WDR45: variants seen among roughly 807,000 people sequenced by gnomAD.
The protein encoded by WDR45 is WD repeat domain phosphoinositide-interacting protein 4.
Under a neutral mutation model 27.3 loss-of-function variants are expected in WDR45, and 2 were observed. The observed-to-expected ratio is 0.07, with a 90% CI of 0.03 to 0.23. The LOEUF (loss-of-function observed/expected upper bound fraction) is 0.23. WDR45 is among the 10% of genes least tolerant of loss of function. The probability of loss-of-function intolerance (pLI) is 1.00; values close to 1 mark genes in which losing one functional copy is unlikely to be tolerated. For synonymous variants in WDR45, 99 were observed against 119.2 expected (o/e 0.83, Z 1.11); for missense variants, 175 against 311.9 (o/e 0.56, Z 3.31).
chrX:49,091,755 C>CAAAAA (rs1162476660), intron 2 of WDR45, among the ~76,000 whole-genome samples: 23 of 35,203 alleles, frequency 6.5e-4, no homozygotes, highest in African/African-American at 3.6e-3. Flanking sequence ...GACTCCGTCT[C>CAAAAA]AAAAAAAAAA....
At chrX:49,086,340 A>G (rs2065085886) in intron 2 of WDR45, among the ~76,000 whole-genome samples, 1 of 110,658 alleles carries the variant, frequency 9.0e-6, no homozygotes, top group Non-Finnish European at 1.9e-5. Context: ...TTTAGTAGAG[A>G]CGGGGTTTCA....
chrX:49,075,060 C>T, intron 10 of WDR45, 76 bp downstream of exon 10: 3 of 1,186,914 alleles, frequency 2.5e-6, no homozygotes, highest in Non-Finnish European at 3.4e-6. Flanking sequence ...TCACATGGCC[C>T]TAAAATCCTT....
chrX:49,084,724 T>C (rs782770766), upstream of WDR45, among the ~76,000 whole-genome samples: 254 of 108,715 alleles, frequency 2.3e-3, 1 homozygote, highest in African/African-American at 8.3e-3. Context: ...AACCTCTGCC[T>C]CCCAGGTTCA....
rs782395953 is a variant in WDR45 at position 49,076,654 on chromosome X, C to T, written c.332G>A (p.Arg111His). The change falls in exon 5 of 11, where the codon CGC becomes CAC. Residue 111 changes from arginine to histidine, a missense_variant. Arg to His is a conservative substitution (Grantham distance 29). Transcript: ENST00000376372. Reference sequence around the variant, plus strand: ...TCCTCCTCAGGCTCACTTGTCATGGCGCATGCGCACAGAAAGCACTGGCTT... The same window carrying T: ...TCCTCCTCAGGCTCACTTGTCATGGTGCATGCGCACAGAAAGCACTGGCTT... Reference protein sequence around the residue: ...FTKPVLSVRMRHDKIVIVLKN... With the variant: ...FTKPVLSVRMHHDKIVIVLKN... 16 of 1,208,534 alleles carry T rather than the reference C, an allele frequency of 1.3e-5. No homozygotes were observed. The highest frequency in any genetic ancestry group is 4.6e-4 in the Middle Eastern group (2 of 4,352).
intron 2 of WDR45, among the ~76,000 whole-genome samples, chrX:49,097,823 A>AT (rs1438820819): frequency 1.8e-4 from 19 of 105,696 alleles, no homozygotes; most frequent in Non-Finnish European, 3.1e-4. Flanking sequence ...CACCTGGCTT[A>AT]TTTTTTGTAT....
At chrX:49,077,045 G>C in intron 4 of WDR45, 1 of 316,053 alleles carries the variant, frequency 3.2e-6, no homozygotes, top group Non-Finnish European at 5.6e-6. Context: ...ACTCAGGCCT[G>C]TAACTTCCCC....
intron 2 of WDR45, among the ~76,000 whole-genome samples, chrX:49,091,299 G>A (rs906452762): frequency 9.1e-6 from 1 of 110,126 alleles, no homozygotes; most frequent in Non-Finnish European, 1.9e-5. Context: ...AAATTAGCTG[G>A]GCGTGATGGT....
chrX:49,092,857 C>A (rs782219375), intron 2 of WDR45, among the ~76,000 whole-genome samples: 1 of 112,485 alleles, frequency 8.9e-6, no homozygotes, highest in East Asian at 2.8e-4. Flanking sequence ...CTCTGAGGTG[C>A]CTCAACACAG....
chrX:49,080,668 CT>C (rs1557084962), upstream of WDR45, among the ~76,000 whole-genome samples: 1 of 110,707 alleles, frequency 9.0e-6, no homozygotes, highest in East Asian at 2.8e-4. Context: ...GTCTCGAACT[CT>C]TGACCTCAGG....
At chrX:49,086,937 C>G (rs1336728204) in intron 2 of WDR45, among the ~76,000 whole-genome samples, 2 of 110,452 alleles carry the variant, frequency 1.8e-5, no homozygotes, top group African/African-American at 3.3e-5. Flanking sequence ...CCTCCTGTCT[C>G]TGCCTCCCAA....
At chrX:49,081,318 C>T (rs2065066065), upstream of WDR45, among the ~76,000 whole-genome samples, 2 of 106,962 alleles carry the variant, frequency 1.9e-5, no homozygotes. Context: ...ATCATGAGGT[C>T]AGGAGTTCGA....
At chrX:49,080,847 C>CT (rs1233079021), upstream of WDR45, among the ~76,000 whole-genome samples, 9 of 93,456 alleles carry the variant, frequency 9.6e-5, no homozygotes, top group African/African-American at 2.7e-4. Context: ...TATGATAAAG[C>CT]TTTTAAAAAA....
chrX:49,087,282 G>A (rs1009086776), intron 2 of WDR45, among the ~76,000 whole-genome samples: 1 of 110,340 alleles, frequency 9.1e-6, no homozygotes, highest in African/African-American at 3.3e-5. Context: ...TCTTCAACCC[G>A]GGAGGCAGAG....
upstream of WDR45, among the ~76,000 whole-genome samples, chrX:49,082,961 C>A (rs2065073291): frequency 9.2e-6 from 1 of 109,068 alleles, no homozygotes; most frequent in Admixed American, 9.9e-5. Context: ...TTAACTGCAA[C>A]CTCCGCCTCC....
upstream of WDR45, among the ~76,000 whole-genome samples, chrX:49,083,316 G>GT (rs781995765): frequency 0.099 from 7,110 of 71,982 alleles, 864 homozygotes; most frequent in African/African-American, 0.26. Context: ...CCGGCCTCTC[G>GT]TTTTTTTTTT....
chrX:49,081,750 G>A (rs953930254), upstream of WDR45, among the ~76,000 whole-genome samples: 16 of 108,511 alleles, frequency 1.5e-4, no homozygotes, highest in Non-Finnish European at 2.3e-4. Flanking sequence ...TTGGGAGGCC[G>A]AGGCAGGTGG....
At chrX:49,092,119 C>CA (rs61126954) in intron 2 of WDR45, among the ~76,000 whole-genome samples, 1,787 of 35,708 alleles carry the variant, frequency 0.05, 220 homozygotes, top group African/African-American at 0.16. Flanking sequence ...CACTCCATCT[C>CA]AAAAAAAAAA....
chrX:49,076,803 C>T, intron 4 of WDR45, 53 bp from the exon 5 acceptor site: 1 of 1,033,282 alleles, frequency 9.7e-7, no homozygotes, highest in Non-Finnish European at 1.3e-6. Flanking sequence ...TAAGGGGCAG[C>T]CCTGGTGACA....
At chrX:49,085,066 C>T (rs781800785) in intron 2 of WDR45, among the ~76,000 whole-genome samples, 3 of 112,238 alleles carry the variant, frequency 2.7e-5, no homozygotes, top group Admixed American at 9.5e-5. Context: ...GGCACTGGAA[C>T]GGGAAACTGA....
Sources: allele counts gnomAD v4.1 joint callset (sites outside exome capture counted in the v4.1 genomes callset), GRCh38; gene constraint gnomAD v4.1.1; transcripts MANE v1.5; gene names NCBI Gene and HGNC (gene_info 2026-07-23, HGNC 2026-07-21).